RBM47: variants seen among roughly 807,000 people sequenced by gnomAD.
RBM47 encodes the protein RNA binding motif protein 47, also known as RNA-binding protein 47.
A neutral mutation model predicts 47.1 loss-of-function variants in RBM47; 21 were observed. The observed-to-expected ratio is 0.45, with a 90% CI of 0.32 to 0.64. The LOEUF (loss-of-function observed/expected upper bound fraction) is 0.64, where lower values mean the gene tolerates loss of function less well. Among genes scored for constraint, RBM47 ranks in the 30% least tolerant of loss-of-function variants. The pLI, the probability that RBM47 is intolerant of heterozygous loss-of-function variation, is 0.05. For synonymous variants in RBM47, 375 were observed against 361.7 expected, an observed-to-expected ratio of 1.04 and a Z score of -0.42; for missense variants, 708 against 870.9, an observed-to-expected ratio of 0.81 and a Z score of 2.35.
chr4:40,554,830 C>T (rs911574011), intron 1 of RBM47, among the ~76,000 whole-genome samples: 3 of 147,494 alleles, frequency 2.0e-5, no homozygotes, highest in Admixed American at 6.8e-5. Flanking sequence ...GGCGTGATCT[C>T]GGCTTGCTGC....
chr4:40,618,836 G>GAAAAA (rs1736989881), intron 1 of RBM47, among the ~76,000 whole-genome samples: 4 of 128,508 alleles, frequency 3.1e-5, no homozygotes, highest in African/African-American at 1.1e-4. Flanking sequence ...AAAAAAAAAG[G>GAAAAA]GAAACTTCCA....
intron 3 of RBM47, among the ~76,000 whole-genome samples, chr4:40,439,604 G>C (rs960339522): frequency 6.6e-6 from 1 of 152,198 alleles, no homozygotes; most frequent in Non-Finnish European, 1.5e-5. Context: ...TCCTTGAAGA[G>C]CTAGACTGAC....
chr4:40,446,453 T>TC (rs1281708788), intron 3 of RBM47, among the ~76,000 whole-genome samples: 1 of 152,138 alleles, frequency 6.6e-6, no homozygotes, highest in Non-Finnish European at 1.5e-5. Flanking sequence ...AAACTGAACT[T>TC]AAGGCTGGGC....
chr4:40,573,119 C>G lies in RBM47; in HGVS notation c.-239-28613G>C, dbSNP rs769049915. 1.8e-4 allele frequency among the ~76,000 whole-genome samples: 25 copies of G among 141,324 alleles called. 1 individual carries two copies. The highest frequency in any genetic ancestry group is 3.0e-4 in the Non-Finnish European group (20 of 66,298). 92.7% of individuals were successfully genotyped at this position (141,324 alleles called of 152,430 possible). A position where few individuals can be genotyped will look rare whatever the true frequency, so the allele number is the denominator to read the frequency against. The stretch of plus-strand genomic sequence containing the variant: ...AATGAGCCGACATTGCGCCATTATA[C>G]TCCAGACTAGGTGACAGAGCAAGAC... On this transcript the variant is annotated intron_variant, in intron 1 of 6. Coordinates refer to ENST00000295971, the MANE Select transcript of RBM47 (RefSeq NM_001098634.2).
At position 40,425,942 on chromosome 4, in the gene RBM47, T is replaced by TGGC; in HGVS notation, c.1741_1743dup (p.Ala581dup). On this transcript the variant is annotated inframe_insertion, in exon 7 of 7. Transcript: ENST00000295971. ...TAGACGTCGGGGATGGGGACCTGAA[T>TGGC]GGCAGCAGCAGGGAAGGCCTGAGGT... is the stretch of plus-strand genomic sequence containing the variant. 9.3e-6 allele frequency: 15 copies of TGGC among 1,614,208 alleles called. No individual in the cohort carries two copies. Among genetic ancestry groups the TGGC allele is most frequent in the Non-Finnish European group, 1.2e-5 (14 of 1,180,024 alleles).
chr4:40,552,198 A>C (rs1729627698), intron 1 of RBM47, among the ~76,000 whole-genome samples: 1 of 151,638 alleles, frequency 6.6e-6, no homozygotes, highest in African/African-American at 2.4e-5. Flanking sequence ...GGAGATGGAG[A>C]CCACCCTGGC....
intron 2 of RBM47, among the ~76,000 whole-genome samples, chr4:40,486,967 A>C (rs1245315551): frequency 6.6e-6 from 1 of 152,228 alleles, no homozygotes; most frequent in African/African-American, 2.4e-5. Context: ...CTAGACACTC[A>C]CAAGGATTCA....
chr4:40,432,708 C>CGCGGCTGCGGCG lies in RBM47; in HGVS notation c.1473_1484dup (p.Ala499_Ala502dup). On this transcript the variant is annotated inframe_insertion, in exon 6 of 7. Transcript: ENST00000295971. ...TGACAGCGGCTGCGGCGGCTGCGGCCGCGGCTGCGGCGGCAGCAGCACTGG... is the reference window on the plus strand; with the variant it reads ...TGACAGCGGCTGCGGCGGCTGCGGCCGCGGCTGCGGCGGCGGCTGCGGCGGCAGCAGCACTGG... The CGCGGCTGCGGCG allele has an allele frequency of 6.3e-7, 1 of 1,589,718 alleles. No individual in the cohort carries two copies. The highest frequency in any genetic ancestry group is 8.6e-7 in the Non-Finnish European group (1 of 1,164,636).
In RBM47 at chr4:40,518,831, C is replaced by T. The variant is rs147241215; in HGVS notation, c.-155+25591G>A. Among the ~76,000 whole-genome samples the T allele has an allele frequency of 5.3e-3, 809 of 152,060 alleles. 8 individuals are homozygous for T. Among genetic ancestry groups the T allele is most frequent in the African/African-American group, 0.018 (740 of 41,472 alleles). On this transcript the variant is annotated intron_variant, in intron 2 of 6. Transcript: ENST00000295971. Reference sequence around the variant, plus strand: ...AAAAAAAAAAAAATCCCAAAGGAAGCTTATGAATTTGTGTTGGGCCACATT... The same window carrying T: ...AAAAAAAAAAAAATCCCAAAGGAAGTTTATGAATTTGTGTTGGGCCACATT...
intron 2 of RBM47, among the ~76,000 whole-genome samples, chr4:40,499,503 G>A (rs998840400): frequency 1.3e-5 from 2 of 152,144 alleles, no homozygotes; most frequent in African/African-American, 2.4e-5. Flanking sequence ...TCCGCCTTCC[G>A]GGTTCAAGTG....
intron 2 of RBM47, among the ~76,000 whole-genome samples, chr4:40,517,911 C>T (rs1007783911): frequency 6.6e-6 from 1 of 152,050 alleles, no homozygotes; most frequent in African/African-American, 2.4e-5. Flanking sequence ...GCAAATACTG[C>T]ACCATTTTAT....
chr4:40,451,239 A>G (rs1715397859), intron 3 of RBM47, among the ~76,000 whole-genome samples: 1 of 151,782 alleles, frequency 6.6e-6, no homozygotes, highest in Admixed American at 6.6e-5. Flanking sequence ...AACGTGCAAC[A>G]TTTTTCAAGG....
chr4:40,560,748 C>G (rs920851471), intron 1 of RBM47, among the ~76,000 whole-genome samples: 1 of 152,090 alleles, frequency 6.6e-6, no homozygotes, highest in Admixed American at 6.6e-5. Context: ...AGGTGGATTA[C>G]GAGGTCAGGA....
intron 1 of RBM47, among the ~76,000 whole-genome samples, chr4:40,620,103 G>A (rs1474805782): frequency 6.6e-6 from 1 of 151,090 alleles, no homozygotes; most frequent in East Asian, 2.0e-4. Context: ...GGCTGAGGCA[G>A]GAGAATCGCT....
At chr4:40,613,713 T>G (rs1414482020) in intron 1 of RBM47, among the ~76,000 whole-genome samples, 1 of 151,782 alleles carries the variant, frequency 6.6e-6, no homozygotes, top group Admixed American at 6.6e-5. Flanking sequence ...TCCCAGCACT[T>G]TGGGAGGCCA....
intron 1 of RBM47, among the ~76,000 whole-genome samples, chr4:40,546,401 C>T (rs1324542318): frequency 6.6e-6 from 1 of 152,156 alleles, no homozygotes; most frequent in Non-Finnish European, 1.5e-5. Context: ...CCACCCGCCT[C>T]AGCCTCCCAA....
At chr4:40,446,649 A>G (rs573295262) in intron 3 of RBM47, among the ~76,000 whole-genome samples, 97 of 148,802 alleles carry the variant, frequency 6.5e-4, no homozygotes, top group African/African-American at 2.4e-3. Flanking sequence ...TGAGGTGGGA[A>G]GATCACTTGA....
intron 1 of RBM47, among the ~76,000 whole-genome samples, chr4:40,573,787 G>A (rs58140205): frequency 2.1e-4 from 12 of 57,718 alleles, no homozygotes; most frequent in African/African-American, 1.0e-3. Context: ...GAAAGAAAGA[G>A]AGAGAGAGAG....
intron 2 of RBM47, among the ~76,000 whole-genome samples, chr4:40,485,282 A>G (rs1431874865): frequency 6.6e-6 from 1 of 152,246 alleles, no homozygotes; most frequent in Non-Finnish European, 1.5e-5. Context: ...TAATTTATGA[A>G]GAATCAATAT....
Sources: allele counts gnomAD v4.1 joint callset (sites outside exome capture counted in the v4.1 genomes callset), GRCh38; gene constraint gnomAD v4.1.1; transcripts MANE v1.5; gene names NCBI Gene and HGNC (gene_info 2026-07-23, HGNC 2026-07-21).